Variants in TEKT1 observed in about 807,000 individuals in gnomAD.
The protein encoded by TEKT1 is tektin 1, also known as tektin-1.
Under a neutral mutation model 34.8 loss-of-function variants are expected in TEKT1, and 32 were observed. The observed-to-expected ratio is 0.92, with a 90% CI of 0.69 to 1.23. The LOEUF (loss-of-function observed/expected upper bound fraction) is 1.23, where lower values mean the gene tolerates loss of function less well. Ranked by LOEUF, TEKT1 falls within the 50% of genes most tolerant of loss-of-function variation. The pLI, the probability that TEKT1 is intolerant of heterozygous loss-of-function variation, is 0.00. For missense variants in TEKT1, 492 were observed against 518.5 expected (o/e 0.95, Z 0.50); for synonymous variants, 207 against 199.8 (o/e 1.04, Z -0.30).
chr17:6,814,183 G>A (rs1976970864), intron 5 of TEKT1, among the ~76,000 whole-genome samples: 1 of 152,130 alleles, frequency 6.6e-6, no homozygotes, highest in African/African-American at 2.4e-5. Context: ...GCACCCAGTT[G>A]AACAGGGCCT....
At chr17:6,808,540 A>G (rs2151583934) in intron 6 of TEKT1, among the ~76,000 whole-genome samples, 1 of 152,120 alleles carries the variant, frequency 6.6e-6, no homozygotes, top group South Asian at 2.1e-4. Flanking sequence ...CGCAGAAATC[A>G]CCCATCTTCT....
Position 6,800,055 on chromosome 17 carries a change from C to T in TEKT1, c.1229G>A (p.Gly410Glu), listed in dbSNP as rs1156860968. 2 of 1,611,210 alleles carry T rather than the reference C, an allele frequency of 1.2e-6. No individual in the cohort carries two copies. Among genetic ancestry groups the T allele is most frequent in the Non-Finnish European group, 8.5e-7 (1 of 1,179,994 alleles). ...RDGEDHGVWA[G>E]GLRPDAVC Reference sequence around the variant, plus strand: ...GCAGACAGCATCAGGGCGGAGGCCCCCAGCCCAGACCCCATGGTCTTCCCC... The same window carrying T: ...GCAGACAGCATCAGGGCGGAGGCCCTCAGCCCAGACCCCATGGTCTTCCCC... The change falls in exon 8 of 8, where the codon GGG becomes GAG. Residue 410 changes from glycine (G) to glutamate (E), a missense_variant. By Grantham distance (98) the Gly-to-Glu change is moderately conservative. Transcript: ENST00000338694.
intron 4 of TEKT1, 108 bp from the exon 5 acceptor site, chr17:6,815,414 T>C: frequency 1.5e-6 from 2 of 1,308,000 alleles, no homozygotes; most frequent in Non-Finnish European, 2.2e-6. Context: ...TGGTGCAGGA[T>C]GATGGTACTG....
chr17:6,814,878 A>G (rs555904614), intron 5 of TEKT1: 1 of 293,688 alleles, frequency 3.4e-6, no homozygotes, highest in South Asian at 7.8e-5. Context: ...CTCTTCCTAC[A>G]TTTTTAGATT....
At chr17:6,813,448 T>C (rs923252076) in intron 5 of TEKT1, among the ~76,000 whole-genome samples, 1 of 152,024 alleles carries the variant, frequency 6.6e-6, no homozygotes, top group African/African-American at 2.4e-5. Context: ...CATCCATCTA[T>C]ACAGATTTAA....
intron 2 of TEKT1, among the ~76,000 whole-genome samples, chr17:6,824,250 C>A (rs9901607): frequency 6.6e-6 from 1 of 152,090 alleles, no homozygotes; most frequent in African/African-American, 2.4e-5. Flanking sequence ...TTGATACATT[C>A]TTTGGGTAGT....
intron 6 of TEKT1, among the ~76,000 whole-genome samples, chr17:6,803,868 T>C (rs1029647930): frequency 2.6e-5 from 4 of 152,154 alleles, no homozygotes; most frequent in Non-Finnish European, 4.4e-5. Context: ...TGGAGCCTTG[T>C]AGTATAGTTT....
In TEKT1 at chr17:6,830,169, C is replaced by T. The variant is rs770069702; in HGVS notation, c.190+18G>A. 2.5e-6 allele frequency: 4 copies of T among 1,602,078 alleles called. No homozygotes were observed. Among genetic ancestry groups the T allele is most frequent in the Non-Finnish European group, 3.4e-6 (4 of 1,177,320 alleles). On this transcript the variant is annotated intron_variant, in intron 2 of 7. Transcript: ENST00000338694. ...TCATCCTAGCATGTTCACGAATATG[C>T]CAAGCATGTTGTCTTACCTAGTTTC...
chr17:6,816,007 AGGTGACTCAACATT>A, intron 3 of TEKT1, 45 bp from the exon 4 acceptor site: 1 of 1,609,378 alleles, frequency 6.2e-7, no homozygotes, highest in Non-Finnish European at 8.5e-7. Context: ...GTGCAACATG[AGGTGACTCAACATT>A]GGCTAATGGC....
Position 6,827,586 on chromosome 17 carries a change from C to A in TEKT1, c.190+2601G>T, listed in dbSNP as rs554601824. 2.2e-3 allele frequency among the ~76,000 whole-genome samples: 333 copies of A among 152,064 alleles called. 4 individuals carry two copies. Among genetic ancestry groups the A allele is most frequent in the Non-Finnish European group, 3.3e-3 (225 of 67,988 alleles). On this transcript the variant is annotated intron_variant, in intron 2 of 7. Coordinates refer to ENST00000338694, the MANE Select transcript of TEKT1 (RefSeq NM_053285.2). Reference sequence around the variant, plus strand: ...CCTCGTGCCTATTCTTGACCTTTTGCATTTCCATATGAATTTTAGAAGCAG... The same window carrying A: ...CCTCGTGCCTATTCTTGACCTTTTGAATTTCCATATGAATTTTAGAAGCAG...
At chr17:6,810,423 C>A (rs1356246441) in intron 6 of TEKT1, among the ~76,000 whole-genome samples, 2 of 152,082 alleles carry the variant, frequency 1.3e-5, no homozygotes, top group Non-Finnish European at 2.9e-5. Flanking sequence ...TGTGGTTTGT[C>A]TTTTCATTGT....
At chr17:6,802,501 C>CT (rs1976788340) in intron 6 of TEKT1, among the ~76,000 whole-genome samples, 1 of 148,780 alleles carries the variant, frequency 6.7e-6, no homozygotes, top group South Asian at 2.1e-4. Flanking sequence ...TTTTATTATA[C>CT]TTTAAGTTTT....
Position 6,816,624 on chromosome 17 carries a change from T to C in TEKT1, c.357-662A>G, listed in dbSNP as rs139020552. ...TATGTGCCACATTTTCTTAATCTAGTCTATTACTGATGGACATTTGGGTTG... is the reference window on the plus strand; with the variant it reads ...TATGTGCCACATTTTCTTAATCTAGCCTATTACTGATGGACATTTGGGTTG... On this transcript the variant is annotated intron_variant, in intron 3 of 7. Transcript: ENST00000338694. Among the ~76,000 whole-genome samples the C allele has an allele frequency of 1.9e-3, 288 of 152,312 alleles. 1 individual carries two copies. The highest frequency in any genetic ancestry group is 0.014 in the Middle Eastern group (4 of 294).
intron 2 of TEKT1, among the ~76,000 whole-genome samples, chr17:6,819,561 G>T (rs1977057963): frequency 1.3e-5 from 2 of 152,176 alleles, no homozygotes; most frequent in Non-Finnish European, 2.9e-5. Context: ...GTCCACATCA[G>T]ATTTATCATT....
At chr17:6,829,454 C>CTTTCT (rs1214889344) in intron 2 of TEKT1, among the ~76,000 whole-genome samples, 1 of 151,470 alleles carries the variant, frequency 6.6e-6, no homozygotes, top group African/African-American at 2.4e-5. Flanking sequence ...TTCCTTTTCT[C>CTTTCT]TTTCTTTTCT....
At position 6,811,402 on chromosome 17, in the gene TEKT1, G is replaced by A. The variant is rs899392964; in HGVS notation, c.852+1429C>T. On this transcript the variant is annotated intron_variant, in intron 6 of 7. Transcript: ENST00000338694. The surrounding 1 kb of genome is among the most constrained non-coding windows in gnomAD (Gnocchi z 4.4). ...GTTGTCTAACTTAACCCTGGCTGGG[G>A]AAGACTATTGTTTCTCCCCATTTTA... Among the ~76,000 whole-genome samples, 3 of 151,988 alleles carry A rather than the reference G, an allele frequency of 2.0e-5. No homozygotes were observed. Among genetic ancestry groups the A allele is most frequent in the African/African-American group, 7.3e-5 (3 of 41,364 alleles).
intron 6 of TEKT1, among the ~76,000 whole-genome samples, chr17:6,810,003 C>A (rs1393939096): frequency 6.6e-6 from 1 of 152,174 alleles, no homozygotes; most frequent in Non-Finnish European, 1.5e-5. Flanking sequence ...TGGGCAAATA[C>A]CAAGGAAGGA....
chr17:6,811,149 C>T lies in TEKT1; in HGVS notation c.852+1682G>A, dbSNP rs138011177. On this transcript the variant is annotated intron_variant, in intron 6 of 7. Transcript: ENST00000338694. The surrounding 1 kb of genome is among the most constrained non-coding windows in gnomAD (Gnocchi z 4.4). ...AGTGCTCTCCCATCCTCCCTTCTGT[C>T]CTATCTCAGATCCATCTTTCAAGGC... 6.5e-3 allele frequency among the ~76,000 whole-genome samples: 993 copies of T among 152,256 alleles called. 9 individuals carry two copies. Among genetic ancestry groups the T allele is most frequent in the Middle Eastern group, 0.02 (6 of 294 alleles).
chr17:6,801,605 G>A (rs1317211109), intron 6 of TEKT1, among the ~76,000 whole-genome samples: 1 of 152,086 alleles, frequency 6.6e-6, no homozygotes, highest in East Asian at 1.9e-4. Context: ...ATACTCAGGA[G>A]GCTGAGGCAG....
Sources: gnomAD v4.1 joint callset for allele counts (sites outside exome capture counted in the v4.1 genomes callset) on GRCh38, gnomAD v4.1.1 for gene constraint, Gnocchi (gnomAD v3.1) non-coding constraint, MANE v1.5 for transcripts, NCBI Gene and HGNC (gene_info 2026-07-23, HGNC 2026-07-21) for gene names.